The following ST7 variants were observed in gnomAD, a reference collection of about 807,000 sequenced individuals.
The protein encoded by ST7 is suppression of tumorigenicity 7.
ST7 carries 28 observed loss-of-function variants against 78.7 expected under a neutral mutation model. The ratio of observed to expected loss-of-function variants is 0.36; its 90% confidence interval spans 0.26 to 0.49. The LOEUF is 0.49. Ranked by LOEUF, ST7 falls within the 20% of genes least tolerant of loss-of-function variation. The probability of loss-of-function intolerance (pLI) is 0.99; values close to 1 mark genes in which losing one functional copy is unlikely to be tolerated. For synonymous variants in ST7, 247 were observed against 249.6 expected (o/e 0.99, Z 0.10); for missense variants, 418 against 696.0 (o/e 0.60, Z 4.49).
chr7:117,120,653 C>T (rs1022115980), intron 3 of ST7, among the ~76,000 whole-genome samples: 3 of 152,224 alleles, frequency 2.0e-5, no homozygotes, highest in Non-Finnish European at 2.9e-5. Context: ...TCAAATGTCA[C>T]CTCCTGGGAA....
intron 1 of ST7, among the ~76,000 whole-genome samples, chr7:117,006,743 G>A (rs1004781448): frequency 1.1e-4 from 17 of 152,110 alleles, no homozygotes; most frequent in Admixed American, 2.0e-4. Flanking sequence ...AGCATCTGTC[G>A]TGCCATTTTT....
intron 1 of ST7, among the ~76,000 whole-genome samples, chr7:117,083,024 T>G (rs1219700955): frequency 6.6e-6 from 1 of 152,178 alleles, no homozygotes; most frequent in African/African-American, 2.4e-5. Context: ...ATTGAACACC[T>G]TCCATTTTTC....
At chr7:117,205,674 C>T (rs1020644403) in intron 12 of ST7, among the ~76,000 whole-genome samples, 5 of 152,212 alleles carry the variant, frequency 3.3e-5, no homozygotes, top group African/African-American at 9.6e-5. Context: ...CATGAGTAGG[C>T]GCTGCTCACA....
chr7:117,198,564 T>C (rs1810522926), intron 12 of ST7: 1 of 285,808 alleles, frequency 3.5e-6, no homozygotes, highest in African/African-American at 2.2e-5. Flanking sequence ...TTGTGGCTGA[T>C]TGTTACCCAT....
intron 1 of ST7, among the ~76,000 whole-genome samples, chr7:117,015,255 A>AGTT (rs1396461153): frequency 6.6e-6 from 1 of 152,194 alleles, no homozygotes; most frequent in Non-Finnish European, 1.5e-5. Flanking sequence ...GATCATACTT[A>AGTT]AATGGACTTA....
chr7:117,133,674 T>TTTA (rs757530529), intron 6 of ST7, among the ~76,000 whole-genome samples: 62 of 151,642 alleles, frequency 4.1e-4, no homozygotes, highest in East Asian at 1.5e-3. Context: ...TTTATTTTGT[T>TTTA]TTATTATTAT....
At position 117,121,372 on chromosome 7, in the gene ST7, C is replaced by T. The variant is rs897791446; in HGVS notation, c.394+1652C>T. Among the ~76,000 whole-genome samples the T allele has an allele frequency of 3.3e-5, 5 of 152,186 alleles. 1 individual carries two copies. In the East Asian group the frequency reaches 9.6e-4, roughly 29 times the overall value. On this transcript the variant is annotated intron_variant, in intron 3 of 15. Transcript: ENST00000323984. ...GCAATGCCATCTTTTATATGTGTACCCTTTAGGATAAAATAAATTGTGCCA... is the reference window on the plus strand; with the variant it reads ...GCAATGCCATCTTTTATATGTGTACTCTTTAGGATAAAATAAATTGTGCCA...
At chr7:116,964,918 C>T (rs1347529456) in intron 1 of ST7, among the ~76,000 whole-genome samples, 2 of 152,112 alleles carry the variant, frequency 1.3e-5, no homozygotes, top group African/African-American at 4.8e-5. Context: ...TAAGAGAAAA[C>T]TTTTTCTTTC....
chr7:117,131,061 C>T lies in ST7; in HGVS notation c.565+455C>T, dbSNP rs1420463163. On this transcript the variant is annotated intron_variant, in intron 5 of 15. Transcript: ENST00000323984. ...GGGTCATGGCCTTGGCTATTGGAGTCTAGATGTGTGTTCCATCTGAGAAAA... is the reference window on the plus strand; with the variant it reads ...GGGTCATGGCCTTGGCTATTGGAGTTTAGATGTGTGTTCCATCTGAGAAAA... Among the ~76,000 whole-genome samples the T allele has an allele frequency of 4.6e-5, 7 of 151,766 alleles. 1 individual carries two copies. The South Asian group carries it at 1.0e-3, about 22-fold the overall frequency.
At chr7:117,106,607 T>C (rs1299919298) in intron 2 of ST7, among the ~76,000 whole-genome samples, 1 of 150,540 alleles carries the variant, frequency 6.6e-6, no homozygotes, top group Non-Finnish European at 1.5e-5. Flanking sequence ...CAAAGTTCAT[T>C]GTATCATTCT....
intron 1 of ST7, among the ~76,000 whole-genome samples, chr7:117,091,691 G>A (rs1042538593): frequency 6.6e-6 from 1 of 152,152 alleles, no homozygotes; most frequent in African/African-American, 2.4e-5. Context: ...TTATTTTCAT[G>A]AATTATTATG....
At chr7:117,049,274 A>G (rs10241002) in intron 1 of ST7, among the ~76,000 whole-genome samples, 5,339 of 152,216 alleles carry the variant, frequency 0.035, 315 homozygotes, top group African/African-American at 0.12. Flanking sequence ...TTTTCCCAGA[A>G]TAGGGCACTT....
At chr7:117,076,691 C>G (rs1008401729) in intron 1 of ST7, 1 of 152,394 alleles carries the variant, frequency 6.6e-6, no homozygotes, top group Admixed American at 6.5e-5. Flanking sequence ...CTTTTGGGCA[C>G]TGGTAGGAGC....
chr7:116,960,490 A>C lies in ST7; in HGVS notation c.151+6799A>C, dbSNP rs118046544. Among the ~76,000 whole-genome samples the C allele has an allele frequency of 8.5e-5, 13 of 152,232 alleles. No homozygotes were observed. The East Asian group carries it at 2.5e-3, about 29-fold the overall frequency. ...AGGCGTGAGCCACTGCAGACACATA[A>C]AATTGTGCTGAAGTATTTCTAATCA... On this transcript the variant is annotated intron_variant, in intron 1 of 15. Coordinates refer to ENST00000323984, the MANE Select transcript of ST7 (RefSeq NM_001369598.1).
chr7:117,217,820 A>G (rs1255189845), intron 13 of ST7, among the ~76,000 whole-genome samples: 2 of 152,212 alleles, frequency 1.3e-5, no homozygotes, highest in African/African-American at 4.8e-5. Context: ...ATAGTGATTT[A>G]TATTCTCCGT....
chr7:117,076,936 G>A (rs1286614818), intron 1 of ST7, among the ~76,000 whole-genome samples: 1 of 152,342 alleles, frequency 6.6e-6, no homozygotes, highest in East Asian at 1.9e-4. Context: ...CTCTTGTCTG[G>A]CACCCAGGAG....
chr7:117,130,798 G>A (rs1168007981), intron 5 of ST7, 192 bp downstream of exon 5: 5 of 449,246 alleles, frequency 1.1e-5, no homozygotes, highest in Non-Finnish European at 1.9e-5. Flanking sequence ...GTTGAAATGA[G>A]TCCCCTCATA....
intron 1 of ST7, among the ~76,000 whole-genome samples, chr7:117,083,548 C>T (rs1799935279): frequency 1.3e-5 from 2 of 151,988 alleles, no homozygotes; most frequent in African/African-American, 2.4e-5. Context: ...CATGAGCCAC[C>T]GTGCCTGGCC....
chr7:117,178,207 C>T (rs1808483355), intron 10 of ST7, among the ~76,000 whole-genome samples: 1 of 152,076 alleles, frequency 6.6e-6, no homozygotes. Flanking sequence ...ATTATTTCAG[C>T]AAGGATCTGT....
Sources: allele counts gnomAD v4.1 joint callset (sites outside exome capture counted in the v4.1 genomes callset), GRCh38; gene constraint gnomAD v4.1.1; transcripts MANE v1.5; gene names NCBI Gene and HGNC (gene_info 2026-07-23, HGNC 2026-07-21).